MAGI2: variants seen among roughly 807,000 people sequenced by gnomAD.
The protein encoded by MAGI2 is membrane associated guanylate kinase, WW and PDZ domain containing 2, also known as membrane-associated guanylate kinase, WW and PDZ domain-containing protein 2.
In MAGI2, 35 loss-of-function variants were observed where a neutral mutation model predicts 133.3. The ratio of observed to expected loss-of-function variants is 0.26; its 90% CI spans 0.20 to 0.35. The LOEUF (loss-of-function observed/expected upper bound fraction) is 0.35, where lower values mean the gene tolerates loss of function less well. Among genes scored for constraint, MAGI2 ranks in the 10% least tolerant of loss-of-function variants. MAGI2 has a pLI of 1.00. For missense variants in MAGI2, 1,636 were observed against 1,863.4 expected (o/e 0.88, Z 2.25); for synonymous variants, 729 against 710.6 (o/e 1.03, Z -0.41).
rs572652058 is a variant in MAGI2 at position 78,904,501 on chromosome 7, A to C, written c.418+102589T>G. Among the ~76,000 whole-genome samples, 10 of 151,556 alleles carry C rather than the reference A, an allele frequency of 6.6e-5. No individual in the cohort carries two copies. The Middle Eastern group carries it at 0.01, about 155-fold the overall frequency. The stretch of plus-strand genomic sequence containing the variant: ...AACTTGTGGTTAACACTGCATGCAT[A>C]GCATACTAAATAATAACGCAGTTCT... On this transcript the variant is annotated intron_variant, in intron 2 of 21. Transcript: ENST00000354212.
chr7:78,379,355 T>C (rs1794719162), intron 6 of MAGI2, among the ~76,000 whole-genome samples: 1 of 151,832 alleles, frequency 6.6e-6, no homozygotes, highest in African/African-American at 2.4e-5. Flanking sequence ...GAGCTAAAAA[T>C]AAAGTTTGGG....
At chr7:78,557,097 A>AAAAAAAAAAAAAAAAAAAGAAAG (rs1554473311) in intron 3 of MAGI2, among the ~76,000 whole-genome samples, 8 of 139,004 alleles carry the variant, frequency 5.8e-5, no homozygotes, top group African/African-American at 2.4e-4. Flanking sequence ...AAAAAAAAAA[A>AAAAAAAAAAAAAAAAAAAGAAAG]AAAGAAAAAG....
chr7:79,383,642 ATGT>A (rs1194124990), intron 1 of MAGI2, among the ~76,000 whole-genome samples: 1 of 151,588 alleles, frequency 6.6e-6, no homozygotes, highest in African/African-American at 2.4e-5. Context: ...AATCATATTT[ATGT>A]TGTTAATATT....
chr7:78,973,962 T>C (rs528843107), intron 2 of MAGI2, among the ~76,000 whole-genome samples: 3 of 151,922 alleles, frequency 2.0e-5, no homozygotes, highest in African/African-American at 7.2e-5. Context: ...ACCAAAGTAG[T>C]TAGGGAATGC....
intron 12 of MAGI2, among the ~76,000 whole-genome samples, chr7:78,192,523 C>T (rs80229655): frequency 7.1e-6 from 1 of 139,928 alleles, no homozygotes; most frequent in African/African-American, 2.7e-5. Flanking sequence ...AAAAGGCTGT[C>T]TTTTTTTTTT....
rs1036838807 is a variant in MAGI2 at position 78,923,803 on chromosome 7, A to C, written c.418+83287T>G. ...CTTGGGCAGTATGGCCATTTTCACGATATTGATTCTTCCTACCCATGACCA... is the reference window on the plus strand; with the variant it reads ...CTTGGGCAGTATGGCCATTTTCACGCTATTGATTCTTCCTACCCATGACCA... On this transcript the variant is annotated intron_variant, in intron 2 of 21. Coordinates refer to ENST00000354212, the MANE Select transcript of MAGI2 (RefSeq NM_012301.4). Among the ~76,000 whole-genome samples the C allele has an allele frequency of 2.0e-3, 309 of 152,058 alleles. 3 individuals carry two copies. The highest frequency in any genetic ancestry group is 5.2e-3 in the South Asian group (25 of 4,822).
chr7:78,986,587 T>C (rs1684380614), intron 2 of MAGI2, among the ~76,000 whole-genome samples: 1 of 151,880 alleles, frequency 6.6e-6, no homozygotes, highest in Non-Finnish European at 1.5e-5. Context: ...AGTGGTGTGA[T>C]CATAGCTCAC....
At chr7:78,253,581 A>T (rs192276910) in intron 10 of MAGI2, 10 of 152,290 alleles carry the variant, frequency 6.6e-5, no homozygotes, top group Non-Finnish European at 7.3e-5. Flanking sequence ...ATCTATATTA[A>T]ACATACTATA....
chr7:78,864,306 C>G (rs1794380086), intron 2 of MAGI2, among the ~76,000 whole-genome samples: 1 of 152,134 alleles, frequency 6.6e-6, no homozygotes, highest in Non-Finnish European at 1.5e-5. Flanking sequence ...GCAGACACCT[C>G]CTACTTTCAC....
chr7:78,461,393 C>CGTGTGTGTGTGTGTGTGTGTGTGTGTGT (rs10654835), intron 6 of MAGI2, among the ~76,000 whole-genome samples: 12 of 138,014 alleles, frequency 8.7e-5, no homozygotes, highest in South Asian at 7.4e-4. Flanking sequence ...CGTGTGTGTG[C>CGTGTGTGTGTGTGTGTGTGTGTGTGTGT]GTGTGTGTGT....
At chr7:78,291,775 A>G (rs921684386) in intron 9 of MAGI2, among the ~76,000 whole-genome samples, 4 of 152,232 alleles carry the variant, frequency 2.6e-5, no homozygotes, top group Non-Finnish European at 5.9e-5. Context: ...AGGCTGGTTC[A>G]ACATATGCAA....
chr7:78,633,402 T>C (rs924128166), intron 2 of MAGI2, among the ~76,000 whole-genome samples: 1 of 151,122 alleles, frequency 6.6e-6, no homozygotes, highest in East Asian at 1.9e-4. Flanking sequence ...AACCTAAAAG[T>C]TTTTTTTTAA....
intron 9 of MAGI2, among the ~76,000 whole-genome samples, chr7:78,297,961 T>C (rs1255283932): frequency 6.9e-6 from 1 of 145,592 alleles, no homozygotes; most frequent in Non-Finnish European, 1.5e-5. Flanking sequence ...AATGTGCACA[T>C]GTACCCTAGA....
chr7:79,055,993 G>T (rs566387548), intron 1 of MAGI2, among the ~76,000 whole-genome samples: 22 of 152,254 alleles, frequency 1.4e-4, no homozygotes, highest in Admixed American at 1.2e-3. Flanking sequence ...TTAGACAAAA[G>T]AAACAGGTAA....
intron 1 of MAGI2, among the ~76,000 whole-genome samples, chr7:79,114,299 G>A (rs953366994): frequency 2.0e-5 from 3 of 152,262 alleles, no homozygotes; most frequent in South Asian, 4.2e-4. Context: ...TGTCTTGCAG[G>A]TTGATCTCTT....
rs1257587272 is a variant in MAGI2, at chr7:78,234,504, C to T, written c.2047+21439G>A. The stretch of plus-strand genomic sequence containing the variant: ...AACTTTCATTAATGTGGTATAATAA[C>T]TGCAATTATTTCCATTTGCACTTTT... On this transcript the variant is annotated intron_variant, in intron 10 of 21. Coordinates refer to ENST00000354212, the MANE Select transcript of MAGI2 (RefSeq NM_012301.4). Among the ~76,000 whole-genome samples the T allele has an allele frequency of 5.9e-5, 9 of 152,094 alleles. No individual in the cohort carries two copies. The East Asian group carries it at 1.7e-3, about 29-fold the overall frequency.
At chr7:78,275,048 T>G (rs1212448579) in intron 9 of MAGI2, among the ~76,000 whole-genome samples, 1 of 152,126 alleles carries the variant, frequency 6.6e-6, no homozygotes, top group East Asian at 1.9e-4. Context: ...TGCCCAGTTT[T>G]GTGCTTGAAA....
intron 6 of MAGI2, among the ~76,000 whole-genome samples, chr7:78,433,461 C>A (rs775393666): frequency 5.9e-5 from 9 of 151,984 alleles, no homozygotes; most frequent in Non-Finnish European, 8.8e-5. Flanking sequence ...AGCCTGCAAA[C>A]TTTAGGACCA....
chr7:78,806,029 C>T (rs2151395177), intron 2 of MAGI2, among the ~76,000 whole-genome samples: 1 of 152,260 alleles, frequency 6.6e-6, no homozygotes, highest in South Asian at 2.1e-4. Context: ...TTGTTGTAAA[C>T]TGTTTGTGTT....
Sources: allele counts gnomAD v4.1 joint callset (sites outside exome capture counted in the v4.1 genomes callset), GRCh38; gene constraint gnomAD v4.1.1; transcripts MANE v1.5; gene names NCBI Gene and HGNC (gene_info 2026-07-23, HGNC 2026-07-21).